USH2A: variants seen among roughly 807,000 people sequenced by gnomAD.
USH2A encodes usherin.
Under a neutral mutation model 538.9 loss-of-function variants are expected in USH2A, and 443 were observed. That is an observed-to-expected ratio of 0.82 (90% confidence interval 0.76 to 0.89). USH2A has a LOEUF of 0.89. USH2A is among the 40% of genes least tolerant of loss of function. The pLI is 0.00. For missense variants in USH2A, 6,633 were observed against 6,324.8 expected (o/e 1.05, Z -1.65); for synonymous variants, 2,413 against 2,273.5 (o/e 1.06, Z -1.75).
intron 20 of USH2A, 141 bp from the exon 21 acceptor site, chr1:216,175,623 C>G: frequency 1.2e-6 from 1 of 823,126 alleles, no homozygotes; most frequent in Non-Finnish European, 2.0e-6. Context: ...CTGTATGGCT[C>G]TAGGAACTGA....
chr1:216,217,317 G>A (rs905956572), intron 15 of USH2A, 70 bp downstream of exon 15: 16 of 1,590,876 alleles, frequency 1.0e-5, no homozygotes, highest in African/African-American at 4.1e-5. Context: ...AATGGAGAAA[G>A]AAAACAATGA....
At chr1:215,718,640 G>T (rs1406929863) in intron 61 of USH2A, among the ~76,000 whole-genome samples, 2 of 152,122 alleles carry the variant, frequency 1.3e-5, no homozygotes, top group Non-Finnish European at 2.9e-5. Context: ...ACTTTTATCG[G>T]CTGTGAACCA....
intron 3 of USH2A, among the ~76,000 whole-genome samples, chr1:216,373,886 A>C (rs2038763746): frequency 6.6e-6 from 1 of 152,136 alleles, no homozygotes; most frequent in Non-Finnish European, 1.5e-5. Flanking sequence ...GGATTAAGAA[A>C]ATGTGGCACA....
rs574460644 is a variant in USH2A, at chr1:216,278,964, G to A, written c.1971+10316C>T. Among the ~76,000 whole-genome samples the A allele has an allele frequency of 1.2e-4, 18 of 152,232 alleles. 1 individual carries two copies. The highest frequency in any genetic ancestry group is 1.2e-3 in the Admixed American group (18 of 15,274). On this transcript the variant is annotated intron_variant, in intron 11 of 71. Coordinates refer to ENST00000307340, the MANE Select transcript of USH2A (RefSeq NM_206933.4). ...AGAACAATCAATTTTCATGAGTAGGGTCTCTGTTCCTTATTATTCCATCTT... is the reference window on the plus strand; with the variant it reads ...AGAACAATCAATTTTCATGAGTAGGATCTCTGTTCCTTATTATTCCATCTT...
At chr1:216,292,044 T>C in intron 10 of USH2A, 131 bp downstream of exon 10, 1 of 1,080,314 alleles carries the variant, frequency 9.3e-7, no homozygotes, top group Non-Finnish European at 1.4e-6. Flanking sequence ...GAACTAGCTT[T>C]GATTTTCAAA....
chr1:216,299,463 C>T lies in USH2A; in HGVS notation c.1645-7093G>A, dbSNP rs180943012. ...GATGAGACAGGTTTACTAATAATAA[C>T]AATAATATAATGCCTGAAAGTATAT... On this transcript the variant is annotated intron_variant, in intron 9 of 71. Transcript: ENST00000307340. Among the ~76,000 whole-genome samples, 132 of 151,968 alleles carry T rather than the reference C, an allele frequency of 8.7e-4. 3 individuals carry two copies. The highest frequency in any genetic ancestry group is 7.6e-3 in the Admixed American group (116 of 15,254).
At chr1:216,186,045 G>A (rs1572029745) in intron 20 of USH2A, among the ~76,000 whole-genome samples, 1 of 151,582 alleles carries the variant, frequency 6.6e-6, no homozygotes, top group South Asian at 2.1e-4. Context: ...GGCAGGTGAA[G>A]AATCAGATAG....
At chr1:216,263,852 A>G (rs934737605) in intron 11 of USH2A, among the ~76,000 whole-genome samples, 8 of 152,146 alleles carry the variant, frequency 5.3e-5, no homozygotes, top group Non-Finnish European at 1.0e-4. Context: ...AGATGACAGG[A>G]TCTTATATGT....
chr1:215,868,792 T>C (rs1664549830), intron 43 of USH2A, among the ~76,000 whole-genome samples: 1 of 152,102 alleles, frequency 6.6e-6, no homozygotes, highest in African/African-American at 2.4e-5. Flanking sequence ...GAAACAGAAA[T>C]TGGAGTTATG....
intron 43 of USH2A, among the ~76,000 whole-genome samples, chr1:215,874,138 T>G (rs1433907354): frequency 2.0e-5 from 3 of 152,216 alleles, no homozygotes; most frequent in Non-Finnish European, 2.9e-5. Flanking sequence ...AAACCCTGCC[T>G]GACTCACTTC....
intron 56 of USH2A, 65 bp downstream of exon 56, chr1:215,766,616 C>T: frequency 2.1e-6 from 3 of 1,424,836 alleles, no homozygotes; most frequent in Non-Finnish European, 3.0e-6. Flanking sequence ...AAGGAGTTTA[C>T]AGATTCCACC....
At chr1:216,232,700 T>C (rs1049747124) in intron 13 of USH2A, among the ~76,000 whole-genome samples, 2 of 152,202 alleles carry the variant, frequency 1.3e-5, no homozygotes, top group Non-Finnish European at 2.9e-5. Flanking sequence ...CCAAGTCCTA[T>C]GGATGTTGCC....
chr1:216,036,591 GA>G (rs1413324357), intron 32 of USH2A, among the ~76,000 whole-genome samples: 1 of 152,090 alleles, frequency 6.6e-6, no homozygotes, highest in Non-Finnish European at 1.5e-5. Context: ...TACATTGTTG[GA>G]AACTCAGAAT....
intron 32 of USH2A, among the ~76,000 whole-genome samples, chr1:216,041,636 G>C (rs1251923407): frequency 2.6e-5 from 4 of 152,124 alleles, no homozygotes; most frequent in African/African-American, 9.6e-5. Context: ...ATTGTAGAGG[G>C]TAAAACATTT....
intron 66 of USH2A, 70 bp downstream of exon 66, chr1:215,648,458 C>CTATA: frequency 6.6e-7 from 1 of 1,514,768 alleles, no homozygotes; most frequent in Non-Finnish European, 9.2e-7. Context: ...GCAGAGTAGG[C>CTATA]TATACCATGA....
chr1:216,091,606 C>T (rs1050335607), intron 22 of USH2A, among the ~76,000 whole-genome samples: 2 of 152,124 alleles, frequency 1.3e-5, no homozygotes, highest in Admixed American at 6.5e-5. Flanking sequence ...TAGAATGCTT[C>T]GGATAGTTGG....
In USH2A at chr1:215,972,609, A is replaced by T. The variant is rs182376899; in HGVS notation, c.6806-1833T>A. The stretch of plus-strand genomic sequence containing the variant: ...CAGATCTAGGACAATACATTCATTT[A>T]GGATTAAAGCATTTTTTGTTAAATG... On this transcript the variant is annotated intron_variant, in intron 35 of 71. Transcript: ENST00000307340. Among the ~76,000 whole-genome samples, 265 of 152,302 alleles carry T rather than the reference A, an allele frequency of 1.7e-3. 1 individual carries two copies. The highest frequency in any genetic ancestry group is 6.0e-3 in the African/African-American group (251 of 41,580).
intron 9 of USH2A, among the ~76,000 whole-genome samples, chr1:216,292,850 A>G (rs1176485362): frequency 6.6e-6 from 1 of 152,140 alleles, no homozygotes; most frequent in African/African-American, 2.4e-5. Context: ...TGCTGGTTAT[A>G]AATGTAAAGA....
chr1:216,066,420 T>G (rs895698458), intron 30 of USH2A, among the ~76,000 whole-genome samples: 1 of 152,042 alleles, frequency 6.6e-6, no homozygotes, highest in Non-Finnish European at 1.5e-5. Context: ...GAGCAGAGAT[T>G]GCGCCACTGC....
Sources: allele counts gnomAD v4.1 joint callset (sites outside exome capture counted in the v4.1 genomes callset), GRCh38; gene constraint gnomAD v4.1.1; transcripts MANE v1.5; gene names NCBI Gene and HGNC (gene_info 2026-07-23, HGNC 2026-07-21).